Variants in ABHD2 observed in about 807,000 individuals in gnomAD.
ABHD2 encodes monoacylglycerol lipase ABHD2.
Under a neutral mutation model 48.1 loss-of-function variants are expected in ABHD2, and 20 were observed. The ratio of observed to expected loss-of-function variants is 0.42; its 90% CI spans 0.29 to 0.60. The LOEUF (loss-of-function observed/expected upper bound fraction) is 0.60. ABHD2 is among the 20% of genes least tolerant of loss of function. The probability of loss-of-function intolerance (pLI) is 0.24; values close to 1 mark genes in which losing one functional copy is unlikely to be tolerated. For missense variants in ABHD2, 405 were observed against 550.9 expected, an observed-to-expected ratio of 0.74 and a Z score of 2.65; for synonymous variants, 209 against 214.2, an observed-to-expected ratio of 0.98 and a Z score of 0.21.
chr15:89,195,387 C>G lies in ABHD2; in HGVS notation c.1242C>G (p.Cys414Trp). Residue 414 changes from cysteine to tryptophan, a missense_variant, in exon 11 of 11, where the codon TGC (cysteine) becomes TGG (tryptophan). Physicochemically the swap from Cys to Trp is radical, Grantham distance 215. Coordinates refer to ENST00000352732, the MANE Select transcript of ABHD2 (RefSeq NM_152924.5). This position sits in a 1 kb window ranked among gnomAD's most constrained non-coding sequence, Gnocchi z 5.1. The stretch of plus-strand genomic sequence containing the variant: ...AATGGGAGCGTAACAAGTTGCAGTG[C>G]TCTGACACGGAGCAGGTGGAGGCCG... ...ICQWERNKLQ[C>W]SDTEQVEADL... 1 of 1,614,148 alleles carries G rather than the reference C, an allele frequency of 6.2e-7. No individual in the cohort carries two copies. Among genetic ancestry groups the G allele is most frequent in the Non-Finnish European group, 8.5e-7 (1 of 1,180,026 alleles).
chr15:89,153,759 C>G (rs1003704624), intron 4 of ABHD2, among the ~76,000 whole-genome samples: 1 of 152,064 alleles, frequency 6.6e-6, no homozygotes, highest in Non-Finnish European at 1.5e-5. Context: ...AAGAATCACC[C>G]ATAATTTTGT....
chr15:89,194,235 T>C (rs2150956671), intron 10 of ABHD2, among the ~76,000 whole-genome samples: 1 of 152,238 alleles, frequency 6.6e-6, no homozygotes, highest in Non-Finnish European at 1.5e-5. Context: ...TGGTGGCTCA[T>C]GCCTATAAAT....
At chr15:89,066,054 C>T in the ABHD2 span, among the ~76,000 whole-genome samples, 754 of 152,244 alleles carry the variant, frequency 5.0e-3, 7 homozygotes, top group African/African-American at 0.017. Flanking sequence ...CAGGTGTGTG[C>T]ATCACTAAAA....
At chr15:89,070,018 G>A in the ABHD2 span, 1 of 152,174 alleles carries the variant, frequency 6.6e-6, no homozygotes, top group Non-Finnish European at 1.5e-5. Flanking sequence ...AGGCTTGGTT[G>A]TGTTGTGGTA....
At chr15:89,156,913 CT>C (rs1364440525) in intron 5 of ABHD2, among the ~76,000 whole-genome samples, 1 of 152,156 alleles carries the variant, frequency 6.6e-6, no homozygotes, top group African/African-American at 2.4e-5. Context: ...TGGGAAATAA[CT>C]AAAAATTATA....
chr15:89,101,874 A>G (rs1376026289), intron 1 of ABHD2, among the ~76,000 whole-genome samples: 1 of 152,164 alleles, frequency 6.6e-6, no homozygotes, highest in Non-Finnish European at 1.5e-5. Flanking sequence ...GTGCTTGTCC[A>G]ACATCGCCAT....
In ABHD2 at chr15:89,135,143, C is replaced by CTTTTCTTCT. The variant is rs1555429068; in HGVS notation, c.195-16530_195-16529insCTTCTTTTT. Among the ~76,000 whole-genome samples, 4 of 112,202 alleles carry CTTTTCTTCT rather than the reference C, an allele frequency of 3.6e-5. No individual in the cohort carries two copies. The Admixed American group carries it at 3.7e-4, about 10-fold the overall frequency. The allele number at this position is 112,202 out of a possible 152,430, so 73.6% of individuals were successfully genotyped here. ...GTCAACAAAATGGCTACAACTTTTT[C>CTTTTCTTCT]TTTTTTTTTTTTTTTTTTGCAATTA... is the stretch of plus-strand genomic sequence containing the variant. On this transcript the variant is annotated intron_variant, in intron 3 of 10. Coordinates refer to ENST00000352732, the MANE Select transcript of ABHD2 (RefSeq NM_152924.5).
chr15:89,195,084 C>T lies in ABHD2; in HGVS notation c.1082-143C>T. 1 of 868,688 alleles carries T rather than the reference C, an allele frequency of 1.2e-6. No individual in the cohort carries two copies. The highest frequency in any genetic ancestry group is 1.7e-5 in the African/African-American group (1 of 59,006). 53.8% of individuals were successfully genotyped at this position (868,688 alleles called of 1,614,324 possible). On this transcript the variant is annotated intron_variant, in intron 10 of 10. Transcript: ENST00000352732. The surrounding 1 kb of genome is among the most constrained non-coding windows in gnomAD (Gnocchi z 5.1). ...TCTTGCCTGCCCCCTCTTTGGTGAA[C>T]AAGGCAGAGTGAGTAGAGGTTGGAT...
chr15:89,102,406 T>G lies in ABHD2; in HGVS notation c.-106-11319T>G, dbSNP rs910510617. The G allele has an allele frequency of 1.3e-5, 2 of 152,150 alleles. No homozygotes were observed. Among genetic ancestry groups the G allele is most frequent in the Non-Finnish European group, 2.9e-5 (2 of 68,022 alleles). The allele number at this position is 152,150 out of a possible 1,614,324, so 9.4% of individuals were successfully genotyped here. ...TTCATAGCCCCCACAGAGGTTAGAGTGATGTCTTTCGTCCCTGTGGGGAGT... is the reference window on the plus strand; with the variant it reads ...TTCATAGCCCCCACAGAGGTTAGAGGGATGTCTTTCGTCCCTGTGGGGAGT... On this transcript the variant is annotated intron_variant, in intron 1 of 10. Transcript: ENST00000352732. This position sits in a 1 kb window ranked among gnomAD's most constrained non-coding sequence, Gnocchi z 4.8.
chr15:89,200,389 A>G lies in ABHD2; in HGVS notation c.*4966A>G, dbSNP rs2051454329. The G allele has an allele frequency of 6.7e-6, 1 of 149,742 alleles. No individual in the cohort carries two copies. The highest frequency in any genetic ancestry group is 2.5e-5 in the African/African-American group (1 of 39,266). 9.3% of individuals were successfully genotyped at this position (149,742 alleles called of 1,614,324 possible). A position where few individuals can be genotyped will look rare whatever the true frequency, so the allele number is the denominator to read the frequency against. On this transcript the variant is annotated 3_prime_UTR_variant, in exon 11 of 11. Transcript: ENST00000352732. ...CACAGGCACACCTCACTTCCCAGAC[A>G]GTTGGGCGGCCAGGCAAGCGCTCCT...
intron 1 of ABHD2, among the ~76,000 whole-genome samples, chr15:89,111,955 ATT>A (rs2049882384): frequency 6.6e-6 from 1 of 151,932 alleles, no homozygotes. Flanking sequence ...ATATATATAT[ATT>A]GATTGTATAT....
intron 3 of ABHD2, among the ~76,000 whole-genome samples, chr15:89,147,260 G>A (rs1292346382): frequency 6.6e-6 from 1 of 151,400 alleles, no homozygotes; most frequent in Non-Finnish European, 1.5e-5. Context: ...ATAAAAGTAA[G>A]TGGATTTAAG....
chr15:89,071,874 C>T, the ABHD2 span, among the ~76,000 whole-genome samples: 1 of 152,146 alleles, frequency 6.6e-6, no homozygotes, highest in African/African-American at 2.4e-5. Flanking sequence ...GGTCATATGA[C>T]TTTTTTGGCC....
At chr15:89,125,707 A>G (rs2050120900) in intron 3 of ABHD2, among the ~76,000 whole-genome samples, 1 of 152,142 alleles carries the variant, frequency 6.6e-6, no homozygotes, top group South Asian at 2.1e-4. Flanking sequence ...ACTACTCACT[A>G]TCTTGGATGT....
the ABHD2 span, among the ~76,000 whole-genome samples, chr15:89,061,456 C>G: frequency 6.6e-6 from 1 of 152,048 alleles, no homozygotes; most frequent in Non-Finnish European, 1.5e-5. Flanking sequence ...CTACTGGGTA[C>G]AATGTTCACT....
At chr15:89,128,003 G>A (rs533573902) in intron 3 of ABHD2, among the ~76,000 whole-genome samples, 27 of 152,016 alleles carry the variant, frequency 1.8e-4, no homozygotes, top group Non-Finnish European at 3.7e-4. Flanking sequence ...TGTATCTCTC[G>A]TCACACCTCA....
In ABHD2 at chr15:89,189,160, T is replaced by C. The variant is rs943177586; in HGVS notation, c.926+857T>C. ...GAAAAGTTGACCTCTGATCTCATCA[T>C]TCTCTTTAAATACGTGATCCTTTTC... On this transcript the variant is annotated intron_variant, in intron 8 of 10. Coordinates refer to ENST00000352732, the MANE Select transcript of ABHD2 (RefSeq NM_152924.5). The surrounding 1 kb of genome is among the most constrained non-coding windows in gnomAD (Gnocchi z 4.9). 6.6e-6 allele frequency among the ~76,000 whole-genome samples: 1 copy of C among 152,212 alleles called. No individual in the cohort carries two copies. The highest frequency in any genetic ancestry group is 2.4e-5 in the African/African-American group (1 of 41,462).
rs189985861 is a variant in ABHD2 at position 89,188,920 on chromosome 15, G to A, written c.926+617G>A. Among the ~76,000 whole-genome samples the A allele has an allele frequency of 6.8e-4, 103 of 151,436 alleles. No individual in the cohort carries two copies. Among genetic ancestry groups the A allele is most frequent in the Middle Eastern group, 6.8e-3 (2 of 292 alleles). On this transcript the variant is annotated intron_variant, in intron 8 of 10. Transcript: ENST00000352732. The surrounding 1 kb of genome is among the most constrained non-coding windows in gnomAD (Gnocchi z 4.1). ...AAAAGAAGTAGAAAAACAGAAGATA[G>A]ACCAAGAGGACTATGTGTTTCAAGC... is the stretch of plus-strand genomic sequence containing the variant.
At position 89,177,889 on chromosome 15, in the gene ABHD2, G is replaced by T; in HGVS notation, c.722+1894G>T. The stretch of plus-strand genomic sequence containing the variant: ...TTTTCAATGCACAAAATCTTAACAC[G>T]ACAATCCCTTCATCTCATTTTGCTG... On this transcript the variant is annotated intron_variant, in intron 6 of 10. Transcript: ENST00000352732. This position sits in a 1 kb window ranked among gnomAD's most constrained non-coding sequence, Gnocchi z 5.6. Among the ~76,000 whole-genome samples the T allele has an allele frequency of 6.6e-6, 1 of 152,134 alleles. No homozygotes were observed. The highest frequency in any genetic ancestry group is 1.5e-5 in the Non-Finnish European group (1 of 68,040).
Sources: gnomAD v4.1 joint callset for allele counts (sites outside exome capture counted in the v4.1 genomes callset) on GRCh38, gnomAD v4.1.1 for gene constraint, Gnocchi (gnomAD v3.1) non-coding constraint, MANE v1.5 for transcripts, NCBI Gene and HGNC (gene_info 2026-07-23, HGNC 2026-07-21) for gene names.